Variants in TRPS1 observed in about 807,000 individuals in gnomAD.
TRPS1 encodes the protein transcriptional repressor GATA binding 1, also known as zinc finger transcription factor Trps1.
In TRPS1, 6 loss-of-function variants were observed where a neutral mutation model predicts 101.2. The ratio of observed to expected loss-of-function variants is 0.06; its 90% CI spans 0.03 to 0.12. The LOEUF (loss-of-function observed/expected upper bound fraction) is 0.12. Among genes scored for constraint, TRPS1 ranks in the 10% least tolerant of loss-of-function variants. The pLI, the probability that TRPS1 is intolerant of heterozygous loss-of-function variation, is 1.00. For synonymous variants in TRPS1, 578 were observed against 589.8 expected, an observed-to-expected ratio of 0.98 and a Z score of 0.29; for missense variants, 1,363 against 1,567.0, an observed-to-expected ratio of 0.87 and a Z score of 2.20.
chr8:115,450,609 C>A (rs1813844818), intron 5 of TRPS1, among the ~76,000 whole-genome samples: 1 of 151,992 alleles, frequency 6.6e-6, no homozygotes, highest in Non-Finnish European at 1.5e-5. Context: ...AATTTAGAAT[C>A]TTGTGGCCTG....
At chr8:115,432,497 G>A (rs116143504) in intron 5 of TRPS1, among the ~76,000 whole-genome samples, 7,566 of 151,744 alleles carry the variant, frequency 0.05, 688 homozygotes, top group African/African-American at 0.17. Flanking sequence ...ATTCATATTT[G>A]TATTTTTTTA....
chr8:115,614,587 T>C (rs1469441895), intron 3 of TRPS1, among the ~76,000 whole-genome samples: 1 of 152,220 alleles, frequency 6.6e-6, no homozygotes, highest in Non-Finnish European at 1.5e-5. Context: ...CACACTTTAT[T>C]ACTTGTTAAG....
intron 5 of TRPS1, among the ~76,000 whole-genome samples, chr8:115,546,392 C>G (rs1437659645): frequency 6.6e-6 from 1 of 152,024 alleles, no homozygotes; most frequent in East Asian, 1.9e-4. Flanking sequence ...TTCTAATACA[C>G]TTAAGTGATA....
intron 5 of TRPS1, among the ~76,000 whole-genome samples, chr8:115,424,168 G>A (rs1211576337): frequency 1.3e-5 from 2 of 152,032 alleles, no homozygotes; most frequent in Non-Finnish European, 2.9e-5. Context: ...CATTTTTTAT[G>A]GTTTTATATC....
chr8:115,587,336 G>T lies in TRPS1; in HGVS notation c.2365C>A (p.Leu789Ile). 3.1e-6 allele frequency: 5 copies of T among 1,614,182 alleles called. No individual in the cohort carries two copies. Among genetic ancestry groups the T allele is most frequent in the Non-Finnish European group, 4.2e-6 (5 of 1,180,016 alleles). ...KREKLEEKDG[L>I]KEKVWTESSS... is the part of the protein sequence containing the mutation. ...CTCTCGGTCCAAACTTTCTCTTTGA[G>T]CCCGTCCTTCTCTTCCAGCTTCTCT... Residue 789 changes from leucine (L) to isoleucine (I), a missense_variant, in exon 5 of 7, where the codon CTC becomes ATC. Leu to Ile is a conservative substitution (Grantham distance 5, BLOSUM62 2). Transcript: ENST00000395715.
At chr8:115,452,657 G>A (rs985954933) in intron 5 of TRPS1, among the ~76,000 whole-genome samples, 1 of 152,084 alleles carries the variant, frequency 6.6e-6, no homozygotes, top group Middle Eastern at 3.2e-3. Context: ...AAATACAAAG[G>A]AACTTCCAAG....
rs183403234 is a variant in TRPS1, at chr8:115,568,117, G to A, written c.2700+18884C>T. Among the ~76,000 whole-genome samples the A allele has an allele frequency of 5.0e-3, 762 of 152,092 alleles. 1 individual carries two copies. The highest frequency in any genetic ancestry group is 8.8e-3 in the Non-Finnish European group (597 of 67,970). ...ACTGACAGTGACTGTCCTAATTCCTGACCCATTACTGTACTTCTTCCCAGA... is the reference window on the plus strand; with the variant it reads ...ACTGACAGTGACTGTCCTAATTCCTAACCCATTACTGTACTTCTTCCCAGA... On this transcript the variant is annotated intron_variant, in intron 5 of 6. Transcript: ENST00000395715.
intron 3 of TRPS1, among the ~76,000 whole-genome samples, chr8:115,606,034 A>T (rs1173856524): frequency 1.3e-5 from 2 of 152,220 alleles, no homozygotes; most frequent in Non-Finnish European, 2.9e-5. Flanking sequence ...GGGAATTTTT[A>T]AATTTTCCCA....
At chr8:115,435,781 T>C (rs1347983653) in intron 5 of TRPS1, among the ~76,000 whole-genome samples, 3 of 152,154 alleles carry the variant, frequency 2.0e-5, no homozygotes, top group African/African-American at 2.4e-5. Flanking sequence ...ACTCACTTGA[T>C]ATAAGTTCTG....
At chr8:115,591,375 T>C (rs1329321973) in intron 4 of TRPS1, among the ~76,000 whole-genome samples, 2 of 152,158 alleles carry the variant, frequency 1.3e-5, no homozygotes, top group African/African-American at 4.8e-5. Context: ...TATTTCTAGA[T>C]TGCAGAATCA....
intron 1 of TRPS1, among the ~76,000 whole-genome samples, chr8:115,665,546 G>A (rs886951017): frequency 1.3e-5 from 2 of 152,158 alleles, no homozygotes; most frequent in African/African-American, 2.4e-5. Context: ...AGTGGTAGGT[G>A]ACTTAAATAA....
At position 115,551,844 on chromosome 8, in the gene TRPS1, T is replaced by C. The variant is rs149332331; in HGVS notation, c.2700+35157A>G. On this transcript the variant is annotated intron_variant, in intron 5 of 6. Transcript: ENST00000395715. ...GGGAGAATACATTTGCAACACTTAATTTAGTGTATCCCCTTTATCGCTGGC... is the reference window on the plus strand; with the variant it reads ...GGGAGAATACATTTGCAACACTTAACTTAGTGTATCCCCTTTATCGCTGGC... 4.1e-4 allele frequency among the ~76,000 whole-genome samples: 62 copies of C among 152,326 alleles called. 1 individual carries two copies. The East Asian group carries it at 9.6e-3, about 24-fold the overall frequency.
At chr8:115,558,056 G>C (rs1816864751) in intron 5 of TRPS1, among the ~76,000 whole-genome samples, 1 of 150,204 alleles carries the variant, frequency 6.7e-6, no homozygotes, top group Admixed American at 6.6e-5. Context: ...CTAATTACGA[G>C]GACAGTTCTA....
chr8:115,517,958 A>G (rs1469108824), intron 5 of TRPS1, among the ~76,000 whole-genome samples: 2 of 46,466 alleles, frequency 4.3e-5, no homozygotes, highest in African/African-American at 1.8e-4. Flanking sequence ...AACCCATACT[A>G]AAACTGGATC....
intron 5 of TRPS1, among the ~76,000 whole-genome samples, chr8:115,499,573 A>G (rs1255571617): frequency 6.6e-6 from 1 of 152,186 alleles, no homozygotes; most frequent in Non-Finnish European, 1.5e-5. Context: ...CCTCTAAACA[A>G]CAAGAAAAAC....
At chr8:115,449,606 T>C (rs554152692) in intron 5 of TRPS1, among the ~76,000 whole-genome samples, 2 of 152,354 alleles carry the variant, frequency 1.3e-5, no homozygotes, top group African/African-American at 4.8e-5. Context: ...ATCCAGCAGC[T>C]AGCTAGAGGT....
At chr8:115,480,627 G>C (rs373752575) in intron 5 of TRPS1, among the ~76,000 whole-genome samples, 1 of 151,920 alleles carries the variant, frequency 6.6e-6, no homozygotes, top group South Asian at 2.1e-4. Context: ...GTAACCTCTC[G>C]AAAAATGCAT....
Position 115,463,458 on chromosome 8 carries a change from C to A in TRPS1, c.2701-45006G>T, listed in dbSNP as rs1004922165. 2.0e-5 allele frequency among the ~76,000 whole-genome samples: 3 copies of A among 152,136 alleles called. No individual in the cohort carries two copies. The South Asian group carries it at 6.2e-4, about 31-fold the overall frequency. On this transcript the variant is annotated intron_variant, in intron 5 of 6. Coordinates refer to ENST00000395715, the MANE Select transcript of TRPS1 (RefSeq NM_014112.5). ...AATTCTGTCTGTCTAAATTCCTAGA[C>A]ACAACAATGACAGAATTCATGTAAA...
At chr8:115,512,268 T>A (rs1034475654) in intron 5 of TRPS1, among the ~76,000 whole-genome samples, 6 of 151,616 alleles carry the variant, frequency 4.0e-5, no homozygotes, top group Non-Finnish European at 4.4e-5. Context: ...AGGAGAGAAG[T>A]TTTTTAGGTT....
Sources: gnomAD v4.1 joint callset for allele counts (sites outside exome capture counted in the v4.1 genomes callset) on GRCh38, gnomAD v4.1.1 for gene constraint, MANE v1.5 for transcripts, NCBI Gene and HGNC (gene_info 2026-07-23, HGNC 2026-07-21) for gene names.